CREBBP: variants seen among roughly 807,000 people sequenced by gnomAD.
CREBBP encodes the protein CREB-binding protein.
CREBBP carries 19 observed loss-of-function variants against 265.0 expected under a neutral mutation model. The observed-to-expected ratio is 0.07, with a 90% CI of 0.05 to 0.11. The LOEUF (loss-of-function observed/expected upper bound fraction) is 0.11, where lower values mean the gene tolerates loss of function less well. Among genes scored for constraint, CREBBP ranks in the 10% least tolerant of loss-of-function variants. CREBBP has a pLI of 1.00. For missense variants in CREBBP, 2,525 were observed against 3,219.0 expected, an observed-to-expected ratio of 0.78 and a Z score of 5.22; for synonymous variants, 1,457 against 1,223.7, an observed-to-expected ratio of 1.19 and a Z score of -3.98.
intron 3 of CREBBP, among the ~76,000 whole-genome samples, chr16:3,807,003 G>A (rs751928968): frequency 2.6e-5 from 4 of 152,100 alleles, no homozygotes; most frequent in South Asian, 2.1e-4. Context: ...AATCTGAACC[G>A]CTGAGTGCTA....
intron 26 of CREBBP, among the ~76,000 whole-genome samples, chr16:3,737,994 G>A (rs928286271): frequency 2.0e-5 from 3 of 151,960 alleles, no homozygotes; most frequent in Non-Finnish European, 4.4e-5. Context: ...CACCATGTTG[G>A]TCAGGCTGGT....
chr16:3,753,514 C>CT (rs1235291130), intron 19 of CREBBP, among the ~76,000 whole-genome samples: 1 of 152,156 alleles, frequency 6.6e-6, no homozygotes, highest in East Asian at 1.9e-4. Flanking sequence ...ATTTAACACT[C>CT]TGACAGGCAA....
intron 26 of CREBBP, among the ~76,000 whole-genome samples, chr16:3,738,000 C>CTGG (rs2052111444): frequency 6.6e-6 from 1 of 151,976 alleles, no homozygotes; most frequent in Admixed American, 6.6e-5. Context: ...GTTGGTCAGG[C>CTGG]TGGTCTCAAA....
At chr16:3,861,635 G>A (rs2055074661) in intron 1 of CREBBP, among the ~76,000 whole-genome samples, 1 of 136,670 alleles carries the variant, frequency 7.3e-6, no homozygotes. Context: ...TAAATATAAT[G>A]GAACAACTCT....
At chr16:3,775,016 A>C (rs1184823860) in intron 11 of CREBBP, among the ~76,000 whole-genome samples, 1 of 152,178 alleles carries the variant, frequency 6.6e-6, no homozygotes, top group Non-Finnish European at 1.5e-5. Flanking sequence ...CAGAGGGCAC[A>C]GTACCAAAGT....
In CREBBP at chr16:3,731,608, A is replaced by G. The variant is rs1270160993; in HGVS notation, c.4891-135T>C. ...TGATGGCCCTGATGCCTTGGGATGG[A>G]ACAAAATTGGTGACACGTTGCATGA... On this transcript the variant is annotated intron_variant, in intron 29 of 30. Transcript: ENST00000262367. This position sits in a 1 kb window ranked among gnomAD's most constrained non-coding sequence, Gnocchi z 7.7. The G allele has an allele frequency of 7.0e-7, 1 of 1,419,592 alleles. No individual in the cohort carries two copies. Among genetic ancestry groups the G allele is most frequent in the Non-Finnish European group, 9.8e-7 (1 of 1,020,818 alleles). 87.9% of individuals were successfully genotyped at this position (1,419,592 alleles called of 1,614,324 possible).
intron 1 of CREBBP, among the ~76,000 whole-genome samples, chr16:3,878,919 A>G (rs1251262862): frequency 3.3e-5 from 5 of 152,214 alleles, no homozygotes; most frequent in African/African-American, 1.2e-4. Flanking sequence ...AGCAGCTATG[A>G]TAACTTAAGA....
Position 3,749,696 on chromosome 16 carries a change from T to A in CREBBP, c.3780-13A>T, listed in dbSNP as rs768835764. Reference sequence around the variant, plus strand: ...CTTTGAAATTGTCCTTGTTTTAAAATAAGAAAACATGTTTTATTAACTAAA... The same window carrying A: ...CTTTGAAATTGTCCTTGTTTTAAAAAAAGAAAACATGTTTTATTAACTAAA... On this transcript the variant is annotated splice_polypyrimidine_tract_variant and intron_variant, in intron 20 of 30. Coordinates refer to ENST00000262367, the MANE Select transcript of CREBBP (RefSeq NM_004380.3). 1 of 1,557,208 alleles carries A rather than the reference T, an allele frequency of 6.4e-7. No homozygotes were observed. The highest frequency in any genetic ancestry group is 1.1e-5 in the South Asian group (1 of 88,510).
intron 2 of CREBBP, among the ~76,000 whole-genome samples, chr16:3,844,965 TAAG>T (rs1250155342): frequency 2.0e-5 from 3 of 152,180 alleles, no homozygotes; most frequent in Non-Finnish European, 4.4e-5. Flanking sequence ...TTTATATGTA[TAAG>T]AAGACTCAGG....
intron 18 of CREBBP, among the ~76,000 whole-genome samples, 177 bp downstream of exon 18, chr16:3,757,632 C>T (rs1018301096): frequency 2.6e-5 from 4 of 152,060 alleles, no homozygotes; most frequent in Non-Finnish European, 5.9e-5. Context: ...CCTCAGTAAG[C>T]GCCTGTACAC....
At chr16:3,766,530 C>CTT (rs58087111) in intron 16 of CREBBP, among the ~76,000 whole-genome samples, 2 of 146,564 alleles carry the variant, frequency 1.4e-5, no homozygotes, top group African/African-American at 5.0e-5. Context: ...AAATTTTTCT[C>CTT]TTTTTTTTTT....
intron 1 of CREBBP, among the ~76,000 whole-genome samples, chr16:3,851,514 TG>T (rs1463552808): frequency 6.6e-6 from 1 of 151,966 alleles, no homozygotes; most frequent in African/African-American, 2.4e-5. Flanking sequence ...AAGAAAACAA[TG>T]GGAAGACTCC....
At chr16:3,804,295 T>G (rs984205365) in intron 3 of CREBBP, among the ~76,000 whole-genome samples, 1 of 152,152 alleles carries the variant, frequency 6.6e-6, no homozygotes, top group Admixed American at 6.5e-5. Context: ...TATATACATA[T>G]GTATTCTTCA....
At chr16:3,820,449 A>G (rs2054120180) in intron 2 of CREBBP, among the ~76,000 whole-genome samples, 2 of 152,160 alleles carry the variant, frequency 1.3e-5, no homozygotes, top group Admixed American at 1.3e-4. Context: ...TTGAAGTCTT[A>G]TGTGCTGCCA....
At chr16:3,851,090 C>T in intron 1 of CREBBP, 81 bp from the exon 2 acceptor site, 1 of 1,199,500 alleles carries the variant, frequency 8.3e-7, no homozygotes, top group Non-Finnish European at 1.2e-6. Flanking sequence ...TGATCTTAAC[C>T]TAATGGGGCA....
intron 2 of CREBBP, among the ~76,000 whole-genome samples, chr16:3,849,421 GTGTGTGTGT>G (rs2054744583): frequency 1.9e-3 from 16 of 8,586 alleles, no homozygotes; most frequent in African/African-American, 2.0e-3. Context: ...GTGTGTGTGT[GTGTGTGTGT>G]GTGTGTGTGT....
Position 3,834,688 on chromosome 16 carries a change from G to C in CREBBP, c.798+15609C>G, listed in dbSNP as rs556467480. On this transcript the variant is annotated intron_variant, in intron 2 of 30. Transcript: ENST00000262367. ...TAAACTACAGACTTCGGATTATGAT[G>C]TATCAATATAGGTTTATTGATTGTG... Among the ~76,000 whole-genome samples, 420 of 152,256 alleles carry C rather than the reference G, an allele frequency of 2.8e-3. 1 individual carries two copies. Among genetic ancestry groups the C allele is most frequent in the Admixed American group, 4.8e-3 (74 of 15,296 alleles).
intron 11 of CREBBP, among the ~76,000 whole-genome samples, 169 bp downstream of exon 11, chr16:3,777,444 C>T (rs1387627196): frequency 2.0e-5 from 3 of 152,120 alleles, no homozygotes; most frequent in African/African-American, 7.2e-5. Context: ...AAACTTCATA[C>T]TATAAACATA....
chr16:3,731,131 G>A lies in CREBBP; in HGVS notation c.5172+61C>T, dbSNP rs553677214. 36 of 1,567,736 alleles carry A rather than the reference G, an allele frequency of 2.3e-5. No individual in the cohort carries two copies. In the African/African-American group the frequency reaches 4.2e-4, roughly 18 times the overall value. ...ACCAACCCGGGCACCCATGCAAAGG[G>A]ACAGGATGCTTCGTCAGACCCCAGG... On this transcript the variant is annotated intron_variant, in intron 30 of 30. Transcript: ENST00000262367. This position sits in a 1 kb window ranked among gnomAD's most constrained non-coding sequence, Gnocchi z 7.7.
Sources: gnomAD v4.1 joint callset for allele counts (sites outside exome capture counted in the v4.1 genomes callset) on GRCh38, gnomAD v4.1.1 for gene constraint, Gnocchi (gnomAD v3.1) non-coding constraint, MANE v1.5 for transcripts, NCBI Gene and HGNC (gene_info 2026-07-23, HGNC 2026-07-21) for gene names.